Variants in CTNNA2 observed in about 807,000 individuals in gnomAD.
CTNNA2 encodes the protein catenin alpha 2.
Under a neutral mutation model 101.0 loss-of-function variants are expected in CTNNA2, and 42 were observed. The observed-to-expected ratio is 0.42, with a 90% CI of 0.32 to 0.54. CTNNA2 has a LOEUF of 0.54. Ranked by LOEUF, CTNNA2 falls within the 20% of genes least tolerant of loss-of-function variation. The pLI is 0.14. For synonymous variants in CTNNA2, 450 were observed against 456.4 expected, an observed-to-expected ratio of 0.99 and a Z score of 0.18; for missense variants, 871 against 1,223.1, an observed-to-expected ratio of 0.71 and a Z score of 4.29.
chr2:79,910,884 T>C (rs1334064435), intron 7 of CTNNA2, among the ~76,000 whole-genome samples: 2 of 152,172 alleles, frequency 1.3e-5, no homozygotes, highest in Non-Finnish European at 2.9e-5. Flanking sequence ...GTGCTCCTCC[T>C]GCTGACCCTC....
At chr2:80,623,728 CTG>C (rs1336992025) in intron 18 of CTNNA2, among the ~76,000 whole-genome samples, 1 of 151,924 alleles carries the variant, frequency 6.6e-6, no homozygotes, top group Non-Finnish European at 1.5e-5. Context: ...TTCTTGGAGT[CTG>C]TAATTAACTA....
chr2:80,161,110 TC>T (rs1704287233), intron 7 of CTNNA2, among the ~76,000 whole-genome samples: 1 of 152,152 alleles, frequency 6.6e-6, no homozygotes, highest in African/African-American at 2.4e-5. Flanking sequence ...AGGGATGTGA[TC>T]TTGGCTCACT....
At chr2:79,791,744 T>C (rs1377653290) in intron 3 of CTNNA2, among the ~76,000 whole-genome samples, 1 of 152,204 alleles carries the variant, frequency 6.6e-6, no homozygotes, top group Admixed American at 6.5e-5. Context: ...ATGGCTGTGC[T>C]CTAGCAGGAT....
intron 7 of CTNNA2, among the ~76,000 whole-genome samples, chr2:79,978,701 C>T (rs938952432): frequency 6.6e-6 from 1 of 152,186 alleles, no homozygotes; most frequent in Non-Finnish European, 1.5e-5. Flanking sequence ...GAGCCACCAA[C>T]TACTGATGAG....
chr2:79,756,963 G>A (rs1014809583), intron 3 of CTNNA2, among the ~76,000 whole-genome samples: 2 of 152,178 alleles, frequency 1.3e-5, no homozygotes, highest in Non-Finnish European at 2.9e-5. Context: ...CATTCATTCA[G>A]ATGCAATATG....
intron 7 of CTNNA2, among the ~76,000 whole-genome samples, chr2:80,039,607 T>C (rs973489936): frequency 2.0e-5 from 3 of 152,118 alleles, no homozygotes; most frequent in Non-Finnish European, 2.9e-5. Context: ...GTGGGGGTGG[T>C]TCTAAGATAT....
chr2:79,361,373 A>AG (rs1677625259), intron 3 of CTNNA2, among the ~76,000 whole-genome samples: 1 of 152,156 alleles, frequency 6.6e-6, no homozygotes, highest in Admixed American at 6.5e-5. Flanking sequence ...CCCATTTGGC[A>AG]GAAAAAAAAG....
At chr2:80,193,990 T>G (rs1706683612) in intron 7 of CTNNA2, among the ~76,000 whole-genome samples, 2 of 152,138 alleles carry the variant, frequency 1.3e-5, no homozygotes, top group Non-Finnish European at 2.9e-5. Context: ...GGATTTCCAT[T>G]AAAATTGTAT....
rs1695563033 is a variant in CTNNA2, at chr2:80,581,741, G to A, written c.1929G>A (p.Glu643=). 3.7e-6 allele frequency: 6 copies of A among 1,613,058 alleles called. No homozygotes were observed. The highest frequency in any genetic ancestry group is 2.2e-5 in the East Asian group (1 of 44,858). Residue 643 remains glutamate, a synonymous_variant, in exon 14 of 19, where the codon GAG becomes GAA. Transcript: ENST00000402739. The stretch of plus-strand genomic sequence containing the variant: ...AACTAGAGGATGATTCTGACTTTGA[G>A]CAGGAAGATTATGATGTGCGTAGCA... The part of the protein sequence containing the change: ...PEELEDDSDF[E]QEDYDVRSRT...
intron 9 of CTNNA2, among the ~76,000 whole-genome samples, chr2:80,455,463 A>C (rs1403217076): frequency 6.6e-6 from 1 of 152,178 alleles, no homozygotes; most frequent in African/African-American, 2.4e-5. Flanking sequence ...TTTTGTGGGC[A>C]TGAGTAGAGG....
chr2:80,031,636 A>G (rs1243775190), intron 7 of CTNNA2, among the ~76,000 whole-genome samples: 1 of 152,240 alleles, frequency 6.6e-6, no homozygotes, highest in Non-Finnish European at 1.5e-5. Context: ...AAACTATATC[A>G]GGGTGAATAT....
chr2:79,426,193 T>C (rs1678590904), intron 4 of CTNNA2, among the ~76,000 whole-genome samples: 1 of 152,150 alleles, frequency 6.6e-6, no homozygotes. Context: ...AGCAACTCTT[T>C]GGGTGTGTCA....
At chr2:80,419,074 C>T (rs920846455) in intron 8 of CTNNA2, among the ~76,000 whole-genome samples, 1 of 152,086 alleles carries the variant, frequency 6.6e-6, no homozygotes, top group African/African-American at 2.4e-5. Flanking sequence ...TAAAGTTCTC[C>T]CGACTTGTTG....
intron 3 of CTNNA2, among the ~76,000 whole-genome samples, chr2:79,837,679 TC>T (rs1679490565): frequency 6.6e-6 from 1 of 152,132 alleles, no homozygotes; most frequent in South Asian, 2.1e-4. Context: ...CCAATTGTTA[TC>T]TTTTTACTCC....
intron 2 of CTNNA2, among the ~76,000 whole-genome samples, chr2:79,723,361 T>C (rs1399254858): frequency 6.6e-6 from 1 of 152,226 alleles, no homozygotes; most frequent in Non-Finnish European, 1.5e-5. Flanking sequence ...CAAATGTAAA[T>C]TGCTTTTCCC....
At chr2:80,294,254 T>C (rs1675525276) in intron 7 of CTNNA2, among the ~76,000 whole-genome samples, 1 of 152,142 alleles carries the variant, frequency 6.6e-6, no homozygotes, top group Non-Finnish European at 1.5e-5. Context: ...CCTTGTGAAA[T>C]TATTGGGAGA....
At chr2:80,004,389 A>T (rs1352550135) in intron 7 of CTNNA2, among the ~76,000 whole-genome samples, 4 of 152,186 alleles carry the variant, frequency 2.6e-5, no homozygotes, top group African/African-American at 9.7e-5. Context: ...CAGGGAATTT[A>T]GAAAGGTGGA....
At chr2:79,540,990 CA>C (rs2103988209) in intron 1 of CTNNA2, among the ~76,000 whole-genome samples, 1 of 152,094 alleles carries the variant, frequency 6.6e-6, no homozygotes, top group Non-Finnish European at 1.5e-5. Flanking sequence ...TTGTGTTGAT[CA>C]AATTGTTTTG....
chr2:80,209,594 T>TAC (rs1171224652), intron 7 of CTNNA2, among the ~76,000 whole-genome samples: 82 of 151,370 alleles, frequency 5.4e-4, no homozygotes, highest in African/African-American at 1.9e-3. Context: ...CTCATTCTCA[T>TAC]ACACACAGAC....
Sources: allele counts gnomAD v4.1 joint callset (sites outside exome capture counted in the v4.1 genomes callset), GRCh38; gene constraint gnomAD v4.1.1; transcripts MANE v1.5; gene names NCBI Gene and HGNC (gene_info 2026-07-23, HGNC 2026-07-21).